ANKRD29: variants seen among roughly 807,000 people sequenced by gnomAD.
ANKRD29 encodes ankyrin repeat domain-containing protein 29.
In ANKRD29, 32 loss-of-function variants were observed where a neutral mutation model predicts 38.0. The ratio of observed to expected loss-of-function variants is 0.84; its 90% CI spans 0.64 to 1.13. The LOEUF (loss-of-function observed/expected upper bound fraction) is 1.13, where lower values mean the gene tolerates loss of function less well. Among genes scored for constraint, ANKRD29 ranks in the 50% most tolerant of loss-of-function variants. The pLI, the probability that ANKRD29 is intolerant of heterozygous loss-of-function variation, is 0.00. For synonymous variants in ANKRD29, 135 were observed against 152.4 expected (o/e 0.89, Z 0.84); for missense variants, 357 against 377.9 (o/e 0.94, Z 0.46).
At chr18:23,604,784 C>T (rs961931283) in intron 9 of ANKRD29, among the ~76,000 whole-genome samples, 26 of 152,162 alleles carry the variant, frequency 1.7e-4, no homozygotes, top group African/African-American at 5.8e-4. Context: ...CTGCCTCAGC[C>T]TCCCAAAGTG....
chr18:23,657,535 C>T (rs954603660), intron 1 of ANKRD29, among the ~76,000 whole-genome samples: 6 of 152,128 alleles, frequency 3.9e-5, no homozygotes, highest in Non-Finnish European at 8.8e-5. Context: ...GGTTGCACAA[C>T]CATCACCACT....
intron 9 of ANKRD29, among the ~76,000 whole-genome samples, chr18:23,607,217 G>A (rs2059585326): frequency 6.6e-6 from 1 of 152,174 alleles, no homozygotes; most frequent in Non-Finnish European, 1.5e-5. Context: ...CAATCACAGA[G>A]GAAATTATTA....
chr18:23,620,699 G>T (rs1051445299), intron 6 of ANKRD29, among the ~76,000 whole-genome samples: 2 of 152,180 alleles, frequency 1.3e-5, no homozygotes, highest in African/African-American at 4.8e-5. Flanking sequence ...GAGAAACCAG[G>T]AAAGTTACAA....
intron 3 of ANKRD29, among the ~76,000 whole-genome samples, chr18:23,644,966 C>T (rs1022255938): frequency 6.6e-6 from 1 of 152,186 alleles, no homozygotes; most frequent in Non-Finnish European, 1.5e-5. Flanking sequence ...CCTGATGTGT[C>T]TTAATTTGCT....
chr18:23,649,267 TAAC>T (rs2060180783), intron 1 of ANKRD29, 74 bp from the exon 2 acceptor site: 1 of 1,080,668 alleles, frequency 9.3e-7, no homozygotes, highest in African/African-American at 1.6e-5. Flanking sequence ...ACATAGATAA[TAAC>T]ATTCAGAAAG....
chr18:23,627,826 C>T (rs1479946987), intron 6 of ANKRD29, among the ~76,000 whole-genome samples: 1 of 152,116 alleles, frequency 6.6e-6, no homozygotes, highest in Non-Finnish European at 1.5e-5. Context: ...TAAAATGAAT[C>T]ATCTGATTCA....
At chr18:23,658,859 G>T (rs977910541) in intron 1 of ANKRD29, among the ~76,000 whole-genome samples, 4 of 152,204 alleles carry the variant, frequency 2.6e-5, no homozygotes, top group Non-Finnish European at 4.4e-5. Context: ...GTGGCCATCT[G>T]TAAGTCAGGA....
At chr18:23,613,313 C>T (rs1401853802) in intron 8 of ANKRD29, among the ~76,000 whole-genome samples, 2 of 151,844 alleles carry the variant, frequency 1.3e-5, no homozygotes, top group African/African-American at 4.8e-5. Context: ...GCTGGGACTA[C>T]AGGTGTGTAA....
chr18:23,616,586 A>ATATATAC (rs1555651260), intron 8 of ANKRD29, among the ~76,000 whole-genome samples: 2 of 143,332 alleles, frequency 1.4e-5, no homozygotes, highest in African/African-American at 2.6e-5. Flanking sequence ...CAGTATATAT[A>ATATATAC]TATATATACT....
In ANKRD29 at chr18:23,600,950, T is replaced by C. The variant is rs2059503701; in HGVS notation, c.*276A>G. Reference sequence around the variant, plus strand: ...AGGTCCAAGTTAGCATTGTTGAAAATGAGTTTCTGTGGAATCTGTGAACAT... The same window carrying C: ...AGGTCCAAGTTAGCATTGTTGAAAACGAGTTTCTGTGGAATCTGTGAACAT... On this transcript the variant is annotated 3_prime_UTR_variant, in exon 10 of 10. Coordinates refer to ENST00000592179, the MANE Select transcript of ANKRD29 (RefSeq NM_173505.4). 3.6e-6 allele frequency: 1 copy of C among 278,240 alleles called. No homozygotes were observed. Among genetic ancestry groups the C allele is most frequent in the Non-Finnish European group, 6.8e-6 (1 of 147,540 alleles). 17.2% of individuals were successfully genotyped at this position (278,240 alleles called of 1,614,324 possible). A position where few individuals can be genotyped will look rare whatever the true frequency, so the allele number is the denominator to read the frequency against.
At chr18:23,604,316 TC>T (rs1484630614) in intron 9 of ANKRD29, among the ~76,000 whole-genome samples, 1 of 152,342 alleles carries the variant, frequency 6.6e-6, no homozygotes, top group East Asian at 1.9e-4. Context: ...ACTTCACTTG[TC>T]CTGTATATTC....
rs187427585 is a variant in ANKRD29, at chr18:23,610,823, G to A, written c.822+1269C>T. On this transcript the variant is annotated intron_variant, in intron 9 of 9. Transcript: ENST00000592179. Reference sequence around the variant, plus strand: ...AGCCTCCTCAGTAGTTGGGACTACAGGTGCACACCACCACACCTGGCTAAT... The same window carrying A: ...AGCCTCCTCAGTAGTTGGGACTACAAGTGCACACCACCACACCTGGCTAAT... 6.8e-4 allele frequency among the ~76,000 whole-genome samples: 104 copies of A among 152,230 alleles called. 1 individual carries two copies. The Middle Eastern group carries it at 0.01, about 15-fold the overall frequency.
chr18:23,605,231 T>TTTTA (rs1387823530), intron 9 of ANKRD29, among the ~76,000 whole-genome samples: 1 of 151,946 alleles, frequency 6.6e-6, no homozygotes, highest in South Asian at 2.1e-4. Flanking sequence ...CAGAATTCTG[T>TTTTA]TTTATTTATT....
rs2059500233 is a variant in ANKRD29 at position 23,600,658 on chromosome 18, G to T, written c.*568C>A. ...AGCACATAATGGAATGTCAGAAGTGGTTTTTTAATAATGTATGTTTACACT... is the reference window on the plus strand; with the variant it reads ...AGCACATAATGGAATGTCAGAAGTGTTTTTTTAATAATGTATGTTTACACT... On this transcript the variant is annotated 3_prime_UTR_variant, in exon 10 of 10. Transcript: ENST00000592179. 1 of 152,634 alleles carries T rather than the reference G, an allele frequency of 6.6e-6. No individual in the cohort carries two copies. Among genetic ancestry groups the T allele is most frequent in the Non-Finnish European group, 1.5e-5 (1 of 68,048 alleles). The allele number at this position is 152,634 out of a possible 1,614,324, so 9.5% of individuals were successfully genotyped here.
intron 1 of ANKRD29, among the ~76,000 whole-genome samples, chr18:23,662,465 G>A (rs1406371165): frequency 6.6e-6 from 1 of 152,142 alleles, no homozygotes; most frequent in Non-Finnish European, 1.5e-5. Flanking sequence ...AGACTCAGCC[G>A]ATCCACAGCC....
At chr18:23,649,269 A>G (rs2060180831) in intron 1 of ANKRD29, 76 bp from the exon 2 acceptor site, 1 of 1,055,640 alleles carries the variant, frequency 9.5e-7, no homozygotes, top group Non-Finnish European at 1.4e-6. Context: ...ATAGATAATA[A>G]CATTCAGAAA....
rs149368619 is a variant in ANKRD29, at chr18:23,605,787, A to G, written c.823-4478T>C. Among the ~76,000 whole-genome samples the G allele has an allele frequency of 3.4e-3, 519 of 152,210 alleles. 3 individuals are homozygous for G. The highest frequency in any genetic ancestry group is 0.012 in the African/African-American group (501 of 41,524). On this transcript the variant is annotated intron_variant, in intron 9 of 9. Transcript: ENST00000592179. ...CATGATCCACCTGCCTCGGCCTCCC[A>G]AAGTGCTGAGATTACAGGCATGAGC... is the stretch of plus-strand genomic sequence containing the variant.
intron 9 of ANKRD29, among the ~76,000 whole-genome samples, chr18:23,604,658 G>A (rs2059553847): frequency 6.6e-6 from 1 of 151,964 alleles, no homozygotes; most frequent in African/African-American, 2.4e-5. Flanking sequence ...AGCCTCCCGA[G>A]TAGCTGGGAC....
intron 6 of ANKRD29, among the ~76,000 whole-genome samples, chr18:23,620,899 C>T (rs537976791): frequency 2.5e-4 from 38 of 152,176 alleles, no homozygotes; most frequent in Admixed American, 1.7e-3. Context: ...AGCCTGGTGT[C>T]GGGAAGGCAA....
Sources: allele counts gnomAD v4.1 joint callset (sites outside exome capture counted in the v4.1 genomes callset), GRCh38; gene constraint gnomAD v4.1.1; transcripts MANE v1.5; gene names NCBI Gene and HGNC (gene_info 2026-07-23, HGNC 2026-07-21).